The following NID2 variants were observed in gnomAD, a reference collection of about 807,000 sequenced individuals.
The protein encoded by NID2 is nidogen 2, also known as nidogen-2.
NID2 carries 83 observed loss-of-function variants against 145.4 expected under a neutral mutation model. The ratio of observed to expected loss-of-function variants is 0.57; its 90% CI spans 0.48 to 0.69. The LOEUF (loss-of-function observed/expected upper bound fraction) is 0.69. Among genes scored for constraint, NID2 ranks in the 30% least tolerant of loss-of-function variants. The probability of loss-of-function intolerance (pLI) is 0.00; values close to 1 mark genes in which losing one functional copy is unlikely to be tolerated. For missense variants in NID2, 1,807 were observed against 1,765.7 expected, an observed-to-expected ratio of 1.02 and a Z score of -0.42; for synonymous variants, 739 against 701.3, an observed-to-expected ratio of 1.05 and a Z score of -0.85.
intron 18 of NID2, chr14:52,010,170 CTAAG>C (rs1890955215): frequency 6.6e-6 from 1 of 152,134 alleles, no homozygotes; most frequent in Non-Finnish European, 1.5e-5. Flanking sequence ...AGGCACTGCA[CTAAG>C]TATTTCATAG....
chr14:52,007,006 T>C (rs1890811716), intron 19 of NID2: 1 of 166,942 alleles, frequency 6.0e-6, no homozygotes, highest in Non-Finnish European at 1.3e-5. Flanking sequence ...TTGTAAGCTA[T>C]GTCTATAATT....
At chr14:52,057,346 C>T (rs1156541207) in intron 3 of NID2, among the ~76,000 whole-genome samples, 2 of 152,144 alleles carry the variant, frequency 1.3e-5, no homozygotes, top group Non-Finnish European at 2.9e-5. Context: ...TAACTTTACC[C>T]TTAAGAGATG....
At chr14:52,063,976 T>G (rs1178842210) in intron 2 of NID2, among the ~76,000 whole-genome samples, 2 of 152,156 alleles carry the variant, frequency 1.3e-5, no homozygotes, top group African/African-American at 4.8e-5. Flanking sequence ...CCATATATGG[T>G]TCAGCATTAA....
At position 52,015,178 on chromosome 14, in the gene NID2, C is replaced by T; in HGVS notation, c.3126G>A (p.Gln1042=). 1 of 1,614,080 alleles carries T rather than the reference C, an allele frequency of 6.2e-7. No homozygotes were observed. The highest frequency in any genetic ancestry group is 8.5e-7 in the Non-Finnish European group (1 of 1,180,030). Reference sequence around the variant, plus strand: ...GGATGAAGTGGCCCAGGTCATCGCACTGGGGCACGTACTGGTCATCCCGGG... The same window carrying T: ...GGATGAAGTGGCCCAGGTCATCGCATTGGGGCACGTACTGGTCATCCCGGG... ...GTPRDDQYVP[Q]CDDLGHFIPL... Residue 1042 remains glutamine, a synonymous_variant, in exon 15 of 22, where the codon CAG becomes CAA. Transcript: ENST00000216286.
chr14:52,037,088 T>C (rs1352135020), intron 9 of NID2, among the ~76,000 whole-genome samples: 3 of 152,210 alleles, frequency 2.0e-5, no homozygotes, highest in Non-Finnish European at 2.9e-5. Flanking sequence ...TATGTTTTCT[T>C]CTAAAAGTTT....
At chr14:52,022,268 G>C (rs1266508029) in intron 12 of NID2, among the ~76,000 whole-genome samples, 1 of 152,086 alleles carries the variant, frequency 6.6e-6, no homozygotes, top group African/African-American at 2.4e-5. Context: ...TAAAGTTCTG[G>C]GTAGACAGAA....
intron 3 of NID2, among the ~76,000 whole-genome samples, chr14:52,057,703 C>CAAAAAAA (rs5808649): frequency 1.1e-5 from 1 of 89,650 alleles, no homozygotes. Context: ...ACCTCCGTCT[C>CAAAAAAA]AAAAAAAAAA....
intron 5 of NID2, among the ~76,000 whole-genome samples, chr14:52,049,197 TTTG>T (rs199971322): frequency 0.51 from 76,603 of 150,348 alleles, 19,734 homozygotes; most frequent in South Asian, 0.6. Context: ...TAATGTTTTT[TTTG>T]TTTGTTTTTA....
At chr14:52,059,380 A>T (rs777876626) in intron 3 of NID2, among the ~76,000 whole-genome samples, 3 of 152,174 alleles carry the variant, frequency 2.0e-5, no homozygotes, top group Non-Finnish European at 4.4e-5. Context: ...GAAGTAACCA[A>T]TGTATTCTAT....
chr14:52,054,201 C>T lies in NID2; in HGVS notation c.888G>A (p.Leu296=), dbSNP rs1258814598. 1.9e-6 allele frequency: 3 copies of T among 1,614,006 alleles called. No homozygotes were observed. The African/African-American group carries it at 4.0e-5, about 22-fold the overall frequency. ...CTGTAGCATGGCTGAAGGAACGTCC[C>T]AGGGGAACAGAAGAGTGGGCAGCGG... The part of the protein sequence containing the change: ...DLSAAHSSVP[L]GRSFSHATAL... Residue 296 remains leucine, a synonymous_variant, in exon 4 of 22, where the codon CTG becomes CTA. Transcript: ENST00000216286.
intron 14 of NID2, among the ~76,000 whole-genome samples, chr14:52,018,260 A>C (rs1891284226): frequency 6.6e-6 from 1 of 152,274 alleles, no homozygotes. Context: ...CTGTGTCGGA[A>C]TCATTTTGGC....
rs373423996 is a variant in NID2, at chr14:52,069,002, C to G, written c.-8G>C. ...CACCCGGTCCCCCTCCATGCTCGCT[C>G]GGCCGTGCGCTTACCCGCTGCACAA... On this transcript the variant is annotated 5_prime_UTR_variant, in exon 1 of 22. Coordinates refer to ENST00000216286, the MANE Select transcript of NID2 (RefSeq NM_007361.4). The G allele has an allele frequency of 1.9e-5, 31 of 1,598,186 alleles. No individual in the cohort carries two copies. The highest frequency in any genetic ancestry group is 2.6e-5 in the Non-Finnish European group (30 of 1,170,350).
chr14:52,006,374 A>G (rs1220525282), intron 20 of NID2, 163 bp downstream of exon 20: 13 of 729,682 alleles, frequency 1.8e-5, no homozygotes, highest in Non-Finnish European at 2.7e-5. Flanking sequence ...TGAAAGGATG[A>G]AAAACATCCT....
At chr14:52,041,673 G>C (rs1412913624) in intron 7 of NID2, among the ~76,000 whole-genome samples, 1 of 152,052 alleles carries the variant, frequency 6.6e-6, no homozygotes, top group Non-Finnish European at 1.5e-5. Context: ...TTCAAGTCTG[G>C]GGTGCACCGG....
At chr14:52,034,078 G>T (rs906850686) in intron 9 of NID2, among the ~76,000 whole-genome samples, 3 of 152,126 alleles carry the variant, frequency 2.0e-5, no homozygotes, top group African/African-American at 7.2e-5. Context: ...CATGTAAGGT[G>T]CTTAGAACAG....
chr14:52,006,219 A>C (rs1378554988), intron 20 of NID2: 9 of 393,964 alleles, frequency 2.3e-5, no homozygotes, highest in Non-Finnish European at 4.2e-5. Context: ...TCATGGTATC[A>C]AGGGTAGTCT....
intron 21 of NID2, 76 bp from the exon 22 acceptor site, chr14:52,005,572 C>T: frequency 6.5e-7 from 1 of 1,533,352 alleles, no homozygotes; most frequent in Non-Finnish European, 8.9e-7. Context: ...CAAGTCTTTG[C>T]ATTTTGTGTA....
intron 17 of NID2, 151 bp from the exon 18 acceptor site, chr14:52,011,198 C>T (rs1891005582): frequency 2.9e-6 from 2 of 699,452 alleles, no homozygotes; most frequent in Non-Finnish European, 2.3e-6. Context: ...AATAGAGAAA[C>T]AAGTACTTTT....
intron 16 of NID2, among the ~76,000 whole-genome samples, chr14:52,013,995 T>C (rs1891121878): frequency 1.3e-5 from 2 of 152,234 alleles, no homozygotes; most frequent in Non-Finnish European, 2.9e-5. Flanking sequence ...CCATTTTCCC[T>C]TGGATCACCA....
Sources: gnomAD v4.1 joint callset for allele counts (sites outside exome capture counted in the v4.1 genomes callset) on GRCh38, gnomAD v4.1.1 for gene constraint, MANE v1.5 for transcripts, NCBI Gene and HGNC (gene_info 2026-07-23, HGNC 2026-07-21) for gene names.